The following RPA1 variants were observed in gnomAD, a reference collection of about 807,000 sequenced individuals.
RPA1 encodes replication protein A 70 kDa DNA-binding subunit.
A neutral mutation model predicts 83.0 loss-of-function variants in RPA1; 49 were observed. The observed-to-expected ratio is 0.59, with a 90% CI of 0.47 to 0.75. The LOEUF is 0.75. Among genes scored for constraint, RPA1 ranks in the 30% least tolerant of loss-of-function variants. The pLI is 0.00. For synonymous variants in RPA1, 279 were observed against 281.8 expected (o/e 0.99, Z 0.10); for missense variants, 693 against 776.1 (o/e 0.89, Z 1.27).
intron 1 of RPA1, among the ~76,000 whole-genome samples, chr17:1,831,675 T>C (rs952776304): frequency 4.7e-5 from 7 of 150,478 alleles, no homozygotes; most frequent in Non-Finnish European, 1.0e-4. Context: ...CTCGGCTCAC[T>C]GCAAGCTCTG....
chr17:1,843,575 C>T (rs1156297110), intron 2 of RPA1, among the ~76,000 whole-genome samples: 1 of 149,230 alleles, frequency 6.7e-6, no homozygotes, highest in Non-Finnish European at 1.5e-5. Context: ...TCCTACACAG[C>T]ACCTTGTGTA....
intron 4 of RPA1, among the ~76,000 whole-genome samples, chr17:1,848,657 C>T (rs546140272): frequency 2.2e-5 from 3 of 138,364 alleles, no homozygotes; most frequent in East Asian, 4.6e-4. Flanking sequence ...CTCTGCCTCC[C>T]GAGTTCAAGC....
intron 6 of RPA1, among the ~76,000 whole-genome samples, chr17:1,874,030 T>TACACAC (rs1246125038): frequency 1.0e-3 from 94 of 90,876 alleles, no homozygotes; most frequent in African/African-American, 1.8e-3. Flanking sequence ...TATATATATA[T>TACACAC]ATACACACAC....
At position 1,884,749 on chromosome 17, in the gene RPA1, C is replaced by G. The variant is rs552538983; in HGVS notation, c.1374+805C>G. 1.6e-4 allele frequency among the ~76,000 whole-genome samples: 25 copies of G among 152,210 alleles called. No homozygotes were observed. The highest frequency in any genetic ancestry group is 2.8e-4 in the Non-Finnish European group (19 of 68,042). ...TCATGGGACACCCACTCTTTCGGTT[C>G]TCTGTAATCCCAGCTACCCAGGAGG... On this transcript the variant is annotated intron_variant, in intron 13 of 16. Transcript: ENST00000254719. The surrounding 1 kb of genome is among the most constrained non-coding windows in gnomAD (Gnocchi z 4.1).
chr17:1,850,854 T>G (rs1333759221), intron 4 of RPA1, among the ~76,000 whole-genome samples: 1 of 152,096 alleles, frequency 6.6e-6, no homozygotes, highest in East Asian at 1.9e-4. Context: ...ATTGTGCCAC[T>G]GCGCTCCAGC....
chr17:1,891,985 C>A, intron 15 of RPA1, 45 bp downstream of exon 15: 3 of 1,360,410 alleles, frequency 2.2e-6, no homozygotes, highest in South Asian at 1.3e-5. Context: ...TTTAATGGTT[C>A]TCATTCTATA....
intron 5 of RPA1, among the ~76,000 whole-genome samples, chr17:1,870,118 A>G (rs960053888): frequency 5.9e-5 from 9 of 152,120 alleles, no homozygotes; most frequent in African/African-American, 2.2e-4. Context: ...GGTTCCTCTA[A>G]CCCAGCGTTC....
rs1914584694 is a variant in RPA1 at position 1,899,890 on chromosome 17, T to G, written c.*2715T>G. ...CCCTAGTAAACTGATTGTTTCCTTG[T>G]CTCAAAGGGAAGATTCCCCCCACTC... On this transcript the variant is annotated 3_prime_UTR_variant, in exon 17 of 17. Coordinates refer to ENST00000254719, the MANE Select transcript of RPA1 (RefSeq NM_002945.5). 1 of 152,180 alleles carries G rather than the reference T, an allele frequency of 6.6e-6. No individual in the cohort carries two copies. The highest frequency in any genetic ancestry group is 1.5e-5 in the Non-Finnish European group (1 of 68,046). 9.4% of individuals were successfully genotyped at this position (152,180 alleles called of 1,614,324 possible).
chr17:1,863,236 G>A (rs1321212129), intron 5 of RPA1, among the ~76,000 whole-genome samples: 4 of 75,128 alleles, frequency 5.3e-5, no homozygotes, highest in East Asian at 4.4e-4. Context: ...TTTTTGAGAC[G>A]AGTCTCACTC....
intron 5 of RPA1, among the ~76,000 whole-genome samples, chr17:1,866,290 C>G (rs1913171631): frequency 6.6e-6 from 1 of 151,158 alleles, no homozygotes; most frequent in Non-Finnish European, 1.5e-5. Flanking sequence ...ATCCCATATA[C>G]TTGTATATGC....
In RPA1 at chr17:1,842,686, C is replaced by T. The variant is rs1912098460; in HGVS notation, c.34-117C>T. 13 of 824,548 alleles carry T rather than the reference C, an allele frequency of 1.6e-5. No individual in the cohort carries two copies. The Admixed American group carries it at 1.8e-4, about 12-fold the overall frequency. The allele number at this position is 824,548 out of a possible 1,614,324, so 51.1% of individuals were successfully genotyped here. On this transcript the variant is annotated intron_variant, in intron 1 of 16. Transcript: ENST00000254719. ...AACTAGATGCTTCAGCTGACAGGCT[C>T]TGAATAGGCTCTTTTAACAATCTTA...
rs932487581 is a variant in RPA1 at position 1,900,050 on chromosome 17, T to C, written c.*2875T>C. ...AGCATAGATGTTTAATTTTCACTTA[T>C]TCAAAAAAACTGGTATTTTTGTTAT... On this transcript the variant is annotated 3_prime_UTR_variant, in exon 17 of 17. Transcript: ENST00000254719. 4 of 152,244 alleles carry C rather than the reference T, an allele frequency of 2.6e-5. No homozygotes were observed. The highest frequency in any genetic ancestry group is 7.2e-5 in the African/African-American group (3 of 41,468). 9.4% of individuals were successfully genotyped at this position (152,244 alleles called of 1,614,324 possible).
chr17:1,874,032 T>TATATATATATACACAC (rs1171343408), intron 6 of RPA1, among the ~76,000 whole-genome samples: 97 of 79,228 alleles, frequency 1.2e-3, no homozygotes, highest in African/African-American at 5.7e-3. Flanking sequence ...TATATATATA[T>TATATATATATACACAC]ACACACACAC....
chr17:1,879,074 T>G lies in RPA1; in HGVS notation c.759+13T>G. 7 of 1,614,170 alleles carry G rather than the reference T, an allele frequency of 4.3e-6. No individual in the cohort carries two copies. Among genetic ancestry groups the G allele is most frequent in the Non-Finnish European group, 5.1e-6 (6 of 1,179,992 alleles). On this transcript the variant is annotated intron_variant, in intron 9 of 16. Transcript: ENST00000254719. ...TGAAGTGAACAAGGTATGGCCGTGC[T>G]GACTTTAGAACTGACACCGCCTGGG... is the stretch of plus-strand genomic sequence containing the variant.
chr17:1,883,436 C>T (rs866734456), intron 12 of RPA1, among the ~76,000 whole-genome samples: 1 of 152,118 alleles, frequency 6.6e-6, no homozygotes, highest in African/African-American at 2.4e-5. Context: ...GCTGGGGTTA[C>T]AGGCATGAGC....
intron 12 of RPA1, among the ~76,000 whole-genome samples, chr17:1,881,785 T>G (rs1913809013): frequency 6.6e-6 from 1 of 152,154 alleles, no homozygotes; most frequent in Non-Finnish European, 1.5e-5. Context: ...AACTTGGCAT[T>G]GATCAAAGAC....
chr17:1,870,356 G>A (rs1285518688), intron 5 of RPA1, among the ~76,000 whole-genome samples: 1 of 152,184 alleles, frequency 6.6e-6, no homozygotes, highest in Non-Finnish European at 1.5e-5. Flanking sequence ...ATTATGTACT[G>A]CTAAAAGGAA....
chr17:1,869,870 C>T (rs918544597), intron 5 of RPA1, among the ~76,000 whole-genome samples: 3 of 152,160 alleles, frequency 2.0e-5, no homozygotes, highest in South Asian at 2.1e-4. Context: ...GGCTGTCTCT[C>T]GTCTCTTGTG....
chr17:1,869,785 C>G (rs979854199), intron 5 of RPA1, among the ~76,000 whole-genome samples: 3 of 152,136 alleles, frequency 2.0e-5, no homozygotes, highest in Non-Finnish European at 2.9e-5. Context: ...CTCGTGGCCC[C>G]TTGCCATTCA....
Sources: gnomAD v4.1 joint callset for allele counts (sites outside exome capture counted in the v4.1 genomes callset) on GRCh38, gnomAD v4.1.1 for gene constraint, Gnocchi (gnomAD v3.1) non-coding constraint, MANE v1.5 for transcripts, NCBI Gene and HGNC (gene_info 2026-07-23, HGNC 2026-07-21) for gene names.